The following SLC25A42 variants were observed in gnomAD, a reference collection of about 807,000 sequenced individuals.
SLC25A42 encodes the protein solute carrier family 25 member 42.
Under a neutral mutation model 34.7 loss-of-function variants are expected in SLC25A42, and 19 were observed. That is an observed-to-expected ratio of 0.55 (90% CI 0.38 to 0.80). The LOEUF is 0.80. Among genes scored for constraint, SLC25A42 ranks in the 30% least tolerant of loss-of-function variants. The pLI is 0.00. For synonymous variants in SLC25A42, 205 were observed against 191.2 expected, an observed-to-expected ratio of 1.07 and a Z score of -0.59; for missense variants, 364 against 441.3, an observed-to-expected ratio of 0.82 and a Z score of 1.57.
intron 1 of SLC25A42, among the ~76,000 whole-genome samples, chr19:19,091,751 C>A (rs757264252): frequency 2.4e-4 from 36 of 152,058 alleles, no homozygotes; most frequent in Non-Finnish European, 4.4e-4. Flanking sequence ...GTGGCATGAG[C>A]CTATAATCCC....
At chr19:19,064,478 A>C (rs2145891628) in intron 1 of SLC25A42, among the ~76,000 whole-genome samples, 2 of 62,352 alleles carry the variant, frequency 3.2e-5, no homozygotes, top group African/African-American at 6.8e-5. Context: ...CACCCCCCAC[A>C]TCACCTGAGT....
chr19:19,096,254 T>TGGGGGCCCCCCCCCCCCCCCCCCCCCCCC, intron 2 of SLC25A42, 49 bp downstream of exon 2: 1 of 1,456,718 alleles, frequency 6.9e-7, no homozygotes, highest in Non-Finnish European at 9.4e-7. Flanking sequence ...GGCCCCAGCC[T>TGGGGGCCCCCCCCCCCCCCCCCCCCCCCC]CCCCACCCCC....
At chr19:19,107,821 C>T (rs996713642) in intron 6 of SLC25A42, 73 bp from the exon 7 acceptor site, 22 of 1,567,564 alleles carry the variant, frequency 1.4e-5, no homozygotes, top group South Asian at 7.9e-5. Flanking sequence ...CGGGAGGAGC[C>T]GAGAGCCTCT....
In SLC25A42 at chr19:19,104,843, G is replaced by T. The variant is rs1013699310; in HGVS notation, c.188-70G>T. ...GGTGACTCTGCTAGTGGGTGCCAGG[G>T]GTGGGGCCACGCAGATGGGAGGTTC... On this transcript the variant is annotated intron_variant, in intron 3 of 7. Coordinates refer to ENST00000318596, the MANE Select transcript of SLC25A42 (RefSeq NM_178526.5). 7.0e-5 allele frequency: 111 copies of T among 1,579,206 alleles called. 1 individual carries two copies. The highest frequency in any genetic ancestry group is 9.0e-5 in the Non-Finnish European group (103 of 1,149,354).
intron 1 of SLC25A42, among the ~76,000 whole-genome samples, chr19:19,095,322 A>T (rs1056917062): frequency 6.8e-6 from 1 of 146,048 alleles, no homozygotes; most frequent in Non-Finnish European, 1.5e-5. Flanking sequence ...TGGGTGGGGG[A>T]AAAAAAAAAG....
intron 3 of SLC25A42, among the ~76,000 whole-genome samples, chr19:19,102,354 G>A (rs888562321): frequency 6.6e-6 from 1 of 152,000 alleles, no homozygotes; most frequent in Non-Finnish European, 1.5e-5. Flanking sequence ...TCAAAGTCCT[G>A]GGCTCAAGTG....
chr19:19,076,879 TA>T (rs1177052781), intron 1 of SLC25A42, among the ~76,000 whole-genome samples: 1 of 152,136 alleles, frequency 6.6e-6, no homozygotes, highest in Non-Finnish European at 1.5e-5. Context: ...GTTTTGTACT[TA>T]CGTTTCTTAA....
intron 1 of SLC25A42, among the ~76,000 whole-genome samples, chr19:19,073,357 C>T (rs1471697844): frequency 6.6e-6 from 1 of 152,182 alleles, no homozygotes. Flanking sequence ...CAGAGAACCA[C>T]AGACTGCTCA....
rs562606100 is a variant in SLC25A42 at position 19,081,967 on chromosome 19, CGTT to C, written c.-34-14121_-34-14119del. ...GTCACTGGTCGCAAGTCTGGGTACA[CGTT>C]GTCATGGGAGTGATTGGCCTCCTGG... On this transcript the variant is annotated intron_variant, in intron 1 of 7. Transcript: ENST00000318596. This position sits in a 1 kb window ranked among gnomAD's most constrained non-coding sequence, Gnocchi z 4.5. Among the ~76,000 whole-genome samples the C allele has an allele frequency of 1.6e-4, 24 of 152,290 alleles. No homozygotes were observed. In the East Asian group the frequency reaches 4.6e-3, roughly 29 times the overall value.
intron 1 of SLC25A42, among the ~76,000 whole-genome samples, chr19:19,088,553 A>G (rs1289654152): frequency 6.7e-6 from 1 of 149,356 alleles, no homozygotes; most frequent in Non-Finnish European, 1.5e-5. Context: ...GCAATGGCGC[A>G]ATCTCAGCTC....
chr19:19,089,869 A>AAAAAACCAAAAC (rs1555766882), intron 1 of SLC25A42, among the ~76,000 whole-genome samples: 1 of 151,402 alleles, frequency 6.6e-6, no homozygotes, highest in Non-Finnish European at 1.5e-5. Flanking sequence ...ACTCCGTCTC[A>AAAAAACCAAAAC]AAAAACAAAA....
chr19:19,071,315 G>A (rs1261201275), intron 1 of SLC25A42, among the ~76,000 whole-genome samples: 2 of 152,094 alleles, frequency 1.3e-5, no homozygotes, highest in Non-Finnish European at 1.5e-5. Context: ...CTCCAAGTGT[G>A]TACATCTTAA....
chr19:19,076,246 T>C (rs1334352935), intron 1 of SLC25A42, among the ~76,000 whole-genome samples: 1 of 151,956 alleles, frequency 6.6e-6, no homozygotes. Context: ...GTGGATACCT[T>C]GAGGTCAGGA....
intron 1 of SLC25A42, among the ~76,000 whole-genome samples, chr19:19,088,473 T>A (rs368115419): frequency 1.3e-5 from 2 of 151,976 alleles, no homozygotes; most frequent in African/African-American, 4.8e-5. Context: ...CCCAAAGTGC[T>A]GGGATTACAG....
chr19:19,096,849 A>G (rs1050304594), intron 2 of SLC25A42, among the ~76,000 whole-genome samples: 5 of 152,056 alleles, frequency 3.3e-5, no homozygotes, highest in African/African-American at 1.2e-4. Context: ...AGGCAGTTGA[A>G]TCGCTTGAAC....
chr19:19,105,810 C>G lies in SLC25A42; in HGVS notation c.380+83C>G, dbSNP rs78016659. The stretch of plus-strand genomic sequence containing the variant: ...TTTCTTCTGCACGCCCCGCTCCCTC[C>G]TCTTCGTGCCTTGCCCCTAGCCCTG... On this transcript the variant is annotated intron_variant, in intron 5 of 7. Transcript: ENST00000318596. 3,458 of 1,203,904 alleles carry G rather than the reference C, an allele frequency of 2.9e-3. 69 individuals are homozygous for G. The African/African-American group carries it at 0.043, about 15-fold the overall frequency. 74.6% of individuals were successfully genotyped at this position (1,203,904 alleles called of 1,614,324 possible). A position where few individuals can be genotyped will look rare whatever the true frequency, so the allele number is the denominator to read the frequency against.
At chr19:19,088,017 T>A (rs1471854094) in intron 1 of SLC25A42, among the ~76,000 whole-genome samples, 2 of 152,106 alleles carry the variant, frequency 1.3e-5, no homozygotes. Context: ...ACTGACCAGG[T>A]CCTGAGCATT....
At chr19:19,086,624 T>TG (rs1003305201) in intron 1 of SLC25A42, among the ~76,000 whole-genome samples, 1 of 152,044 alleles carries the variant, frequency 6.6e-6, no homozygotes, top group African/African-American at 2.4e-5. Context: ...TGTGTGGTTT[T>TG]GGGGGGTTTT....
chr19:19,109,944 G>A lies in SLC25A42; in HGVS notation c.650-625G>A, dbSNP rs1487643387. ...AGGGCGCAGGTCGGGGACCAGGCAC[G>A]GGAGCACCTAGAATGTTCCTTTACT... On this transcript the variant is annotated intron_variant, in intron 7 of 7. Transcript: ENST00000318596. The surrounding 1 kb of genome is among the most constrained non-coding windows in gnomAD (Gnocchi z 4.1). Among the ~76,000 whole-genome samples the A allele has an allele frequency of 6.6e-6, 1 of 152,134 alleles. No individual in the cohort carries two copies. Among genetic ancestry groups the A allele is most frequent in the African/African-American group, 2.4e-5 (1 of 41,440 alleles).
Sources: allele counts gnomAD v4.1 joint callset (sites outside exome capture counted in the v4.1 genomes callset), GRCh38; gene constraint gnomAD v4.1.1; non-coding constraint Gnocchi (gnomAD v3.1); transcripts MANE v1.5; gene names NCBI Gene and HGNC (gene_info 2026-07-23, HGNC 2026-07-21).